The following NPEPPS variants were observed in gnomAD, a reference collection of about 807,000 sequenced individuals.
NPEPPS encodes puromycin-sensitive aminopeptidase.
NPEPPS carries 14 observed loss-of-function variants against 115.5 expected under a neutral mutation model. The ratio of observed to expected loss-of-function variants is 0.12; its 90% CI spans 0.08 to 0.19. NPEPPS has a LOEUF of 0.19. Among genes scored for constraint, NPEPPS ranks in the 10% least tolerant of loss-of-function variants. The probability of loss-of-function intolerance (pLI) is 1.00; values close to 1 mark genes in which losing one functional copy is unlikely to be tolerated. For missense variants in NPEPPS, 523 were observed against 1,110.8 expected (o/e 0.47, Z 7.52); for synonymous variants, 285 against 390.6 (o/e 0.73, Z 3.19).
At chr17:47,534,181 T>C (rs1908024555) in intron 1 of NPEPPS, among the ~76,000 whole-genome samples, 2 of 151,924 alleles carry the variant, frequency 1.3e-5, no homozygotes, top group Non-Finnish European at 2.9e-5. Context: ...AAGCTCTGCC[T>C]TCCGGGTTCA....
intron 1 of NPEPPS, among the ~76,000 whole-genome samples, chr17:47,541,489 G>A (rs2095673069): frequency 6.6e-6 from 1 of 151,840 alleles, no homozygotes; most frequent in Admixed American, 6.6e-5. Context: ...CGATTCTCCT[G>A]CCTCAGCCTC....
intron 18 of NPEPPS, among the ~76,000 whole-genome samples, chr17:47,612,894 C>G (rs987250829): frequency 6.6e-6 from 1 of 152,140 alleles, no homozygotes; most frequent in Admixed American, 6.5e-5. Context: ...AACTCCTGAC[C>G]TCAGGTAATC....
At chr17:47,602,940 A>G (rs1265810941) in intron 15 of NPEPPS, among the ~76,000 whole-genome samples, 1 of 152,116 alleles carries the variant, frequency 6.6e-6, no homozygotes, top group Non-Finnish European at 1.5e-5. Flanking sequence ...GTACACTACA[A>G]TTTTGATTAG....
At chr17:47,530,542 G>T (rs1386630932), upstream of NPEPPS, among the ~76,000 whole-genome samples, 2 of 151,004 alleles carry the variant, frequency 1.3e-5, no homozygotes, top group East Asian at 4.0e-4. Flanking sequence ...ACTTTTAGTA[G>T]AGACGGGGTT....
At chr17:47,612,882 C>G (rs1167067932) in intron 18 of NPEPPS, among the ~76,000 whole-genome samples, 11 of 152,066 alleles carry the variant, frequency 7.2e-5, no homozygotes, top group Non-Finnish European at 1.5e-4. Context: ...AGGCTCGTCT[C>G]GAACTCCTGA....
chr17:47,536,043 T>C (rs1398109412), intron 1 of NPEPPS, among the ~76,000 whole-genome samples: 1 of 152,080 alleles, frequency 6.6e-6, no homozygotes, highest in Non-Finnish European at 1.5e-5. Context: ...TTCACCATAT[T>C]GGCCAGGATG....
intron 2 of NPEPPS, among the ~76,000 whole-genome samples, chr17:47,550,422 CT>C (rs796500865): frequency 1.9e-3 from 252 of 131,814 alleles, no homozygotes; most frequent in South Asian, 0.015. Flanking sequence ...GTAGAACTTA[CT>C]TTTTTTTTTT....
chr17:47,564,528 A>G (rs530072806), intron 2 of NPEPPS, among the ~76,000 whole-genome samples: 90 of 152,098 alleles, frequency 5.9e-4, no homozygotes, highest in African/African-American at 2.1e-3. Flanking sequence ...GATACATGAT[A>G]TATAGTGAAG....
chr17:47,538,339 C>G (rs1908481325), intron 1 of NPEPPS, among the ~76,000 whole-genome samples: 1 of 150,168 alleles, frequency 6.7e-6, no homozygotes, highest in African/African-American at 2.4e-5. Context: ...CTCAGCCTCC[C>G]TAGTAGCTAG....
chr17:47,576,162 T>G (rs1911508993), intron 3 of NPEPPS, among the ~76,000 whole-genome samples: 1 of 152,154 alleles, frequency 6.6e-6, no homozygotes, highest in Non-Finnish European at 1.5e-5. Flanking sequence ...CATTCTGGGA[T>G]AGTGATTAAA....
At chr17:47,547,978 A>T (rs1213164243) in intron 2 of NPEPPS, among the ~76,000 whole-genome samples, 2 of 152,210 alleles carry the variant, frequency 1.3e-5, no homozygotes, top group Non-Finnish European at 2.9e-5. Flanking sequence ...GTGAGCCGAG[A>T]TCGCGCCACT....
intron 2 of NPEPPS, among the ~76,000 whole-genome samples, chr17:47,554,045 T>C (rs1179002781): frequency 2.2e-5 from 1 of 44,926 alleles, no homozygotes; most frequent in East Asian, 1.1e-3. Flanking sequence ...CCACAGTATC[T>C]TTTTTTTTTT....
intron 1 of NPEPPS, among the ~76,000 whole-genome samples, chr17:47,541,725 GT>G (rs1266612776): frequency 1.3e-5 from 2 of 152,042 alleles, no homozygotes; most frequent in Non-Finnish European, 2.9e-5. Flanking sequence ...AATTCTTTTT[GT>G]TTTTTTGTTC....
intron 9 of NPEPPS, among the ~76,000 whole-genome samples, chr17:47,588,957 C>G (rs2610301): frequency 2.6e-5 from 4 of 152,072 alleles, no homozygotes; most frequent in African/African-American, 7.2e-5. Flanking sequence ...CACTCTGTCA[C>G]TTAAACTGGA....
chr17:47,563,093 G>A lies in NPEPPS; in HGVS notation c.341-6324G>A, dbSNP rs75189445. 3.2e-3 allele frequency among the ~76,000 whole-genome samples: 488 copies of A among 150,670 alleles called. 1 individual carries two copies. Among genetic ancestry groups the A allele is most frequent in the Non-Finnish European group, 4.5e-3 (303 of 67,652 alleles). On this transcript the variant is annotated intron_variant, in intron 2 of 22. Coordinates refer to ENST00000322157, the MANE Select transcript of NPEPPS (RefSeq NM_006310.4). ...CTCAGCCAGGCTGGAGTGCAGTGGC[G>A]TGATCTCAATTCACTGCAACCTCCA...
intron 3 of NPEPPS, among the ~76,000 whole-genome samples, chr17:47,576,365 G>T (rs901547759): frequency 1.1e-4 from 17 of 152,152 alleles, no homozygotes; most frequent in Non-Finnish European, 2.1e-4. Context: ...GGTGGCGCAC[G>T]CCTGTAGTTC....
chr17:47,611,228 G>A (rs1488660618), intron 17 of NPEPPS, among the ~76,000 whole-genome samples: 3 of 151,830 alleles, frequency 2.0e-5, no homozygotes, highest in Non-Finnish European at 4.4e-5. Flanking sequence ...GGCAGGCCGA[G>A]GCAGGTGGAT....
At chr17:47,619,966 C>T (rs1914441700) in intron 22 of NPEPPS, 182 bp downstream of exon 22, 1 of 539,392 alleles carries the variant, frequency 1.9e-6, no homozygotes, top group East Asian at 3.3e-5. Context: ...GGCATGGTAG[C>T]TCACATCTGT....
chr17:47,619,803 A>T lies in NPEPPS; in HGVS notation c.2607+19A>T. On this transcript the variant is annotated intron_variant, in intron 22 of 22. Coordinates refer to ENST00000322157, the MANE Select transcript of NPEPPS (RefSeq NM_006310.4). Reference sequence around the variant, plus strand: ...GGTTAAGGTAAGGAAAATACTGTTTACTCTTCACTTTTCAGTCTAGTAAGT... The same window carrying T: ...GGTTAAGGTAAGGAAAATACTGTTTTCTCTTCACTTTTCAGTCTAGTAAGT... The T allele has an allele frequency of 6.3e-7, 1 of 1,588,588 alleles. No homozygotes were observed. The highest frequency in any genetic ancestry group is 8.6e-7 in the Non-Finnish European group (1 of 1,156,996).
Sources: gnomAD v4.1 joint callset for allele counts (sites outside exome capture counted in the v4.1 genomes callset) on GRCh38, gnomAD v4.1.1 for gene constraint, MANE v1.5 for transcripts, NCBI Gene and HGNC (gene_info 2026-07-23, HGNC 2026-07-21) for gene names.